The following CCDC110 variants were observed in gnomAD, a reference collection of about 807,000 sequenced individuals.
The protein encoded by CCDC110 is coiled-coil domain-containing protein 110.
CCDC110 carries 70 observed loss-of-function variants against 77.1 expected under a neutral mutation model. That is an observed-to-expected ratio of 0.91 (90% confidence interval 0.75 to 1.11). The LOEUF (loss-of-function observed/expected upper bound fraction) is 1.11, where lower values mean the gene tolerates loss of function less well. Ranked by LOEUF, CCDC110 falls within the 50% of genes least tolerant of loss-of-function variation. The pLI is 0.00. For missense variants in CCDC110, 868 were observed against 942.9 expected, an observed-to-expected ratio of 0.92 and a Z score of 1.04; for synonymous variants, 295 against 312.5, an observed-to-expected ratio of 0.94 and a Z score of 0.59.
intron 4 of CCDC110, among the ~76,000 whole-genome samples, chr4:185,462,075 G>A (rs781745364): frequency 3.3e-5 from 5 of 152,148 alleles, no homozygotes; most frequent in Non-Finnish European, 7.3e-5. Flanking sequence ...TCCAGCCTGG[G>A]TGACAAAAAT....
Position 185,459,418 on chromosome 4 carries a change from T to C in CCDC110, c.1169A>G (p.His390Arg). 4 of 1,612,382 alleles carry C rather than the reference T, an allele frequency of 2.5e-6. No individual in the cohort carries two copies. Among genetic ancestry groups the C allele is most frequent in the African/African-American group, 1.3e-5 (1 of 74,964 alleles). Residue 390 changes from histidine (H) to arginine (R), a missense_variant, in exon 6 of 7, where the codon CAT becomes CGT. By Grantham distance (29) the His-to-Arg change is conservative. Coordinates refer to ENST00000307588, the MANE Select transcript of CCDC110 (RefSeq NM_152775.4). Reference sequence around the variant, plus strand: ...TTGTCTTTCTTTGTCTTTCATTTCATGTTTTGTTTGGTCGAGGAAGGACAG... The same window carrying C: ...TTGTCTTTCTTTGTCTTTCATTTCACGTTTTGTTTGGTCGAGGAAGGACAG... ...YTLSFLDQTKHEMKDKERQPF... is the reference protein window; with the variant it reads ...YTLSFLDQTKREMKDKERQPF...
intron 2 of CCDC110, among the ~76,000 whole-genome samples, chr4:185,467,527 G>T (rs1008755169): frequency 6.6e-6 from 1 of 152,076 alleles, no homozygotes; most frequent in Non-Finnish European, 1.5e-5. Flanking sequence ...CGGAAGGCAT[G>T]GTCCCACCCA....
In CCDC110 at chr4:185,462,825, T is replaced by C. The variant is rs867319181; in HGVS notation, c.172-117A>G. The stretch of plus-strand genomic sequence containing the variant: ...ATTACTTGAAAAGATCCCGTGAGGG[T>C]CAGGTGGTTCACATTCTTAGGCATT... On this transcript the variant is annotated intron_variant, in intron 3 of 6. Coordinates refer to ENST00000307588, the MANE Select transcript of CCDC110 (RefSeq NM_152775.4). The C allele has an allele frequency of 1.3e-5, 13 of 1,036,546 alleles. No individual in the cohort carries two copies. The Middle Eastern group carries it at 8.1e-4, about 65-fold the overall frequency. The allele number at this position is 1,036,546 out of a possible 1,614,324, so 64.2% of individuals were successfully genotyped here. A position where few individuals can be genotyped will look rare whatever the true frequency, so the allele number is the denominator to read the frequency against.
chr4:185,466,556 T>C (rs1003624326), intron 2 of CCDC110, among the ~76,000 whole-genome samples: 15 of 141,780 alleles, frequency 1.1e-4, no homozygotes, highest in Admixed American at 9.8e-4. Context: ...GGAAGAGATG[T>C]GAAAGTCAAG....
intron 6 of CCDC110, among the ~76,000 whole-genome samples, chr4:185,446,821 A>G (rs1433622885): frequency 6.6e-6 from 1 of 152,138 alleles, no homozygotes; most frequent in African/African-American, 2.4e-5. Context: ...TTTCATGGGG[A>G]CTAATTAGCT....
intron 6 of CCDC110, among the ~76,000 whole-genome samples, chr4:185,451,105 C>CT (rs1195685442): frequency 1.1e-4 from 16 of 152,052 alleles, no homozygotes; most frequent in South Asian, 2.1e-4. Flanking sequence ...AAGGGGTTTC[C>CT]CTCTCGCTTG....
intron 6 of CCDC110, among the ~76,000 whole-genome samples, chr4:185,447,401 T>TTC (rs1561148018): frequency 6.6e-6 from 1 of 152,064 alleles, no homozygotes; most frequent in East Asian, 1.9e-4. Context: ...AGGATGGACT[T>TTC]GATCTCCTGA....
chr4:185,462,962 T>G, intron 3 of CCDC110, 32 bp downstream of exon 3: 2 of 1,567,406 alleles, frequency 1.3e-6, no homozygotes, highest in South Asian at 2.3e-5. Context: ...TACCCAGAAT[T>G]TTGGAGATGA....
chr4:185,467,682 C>T (rs992967399), intron 2 of CCDC110, among the ~76,000 whole-genome samples: 2 of 152,142 alleles, frequency 1.3e-5, no homozygotes, highest in African/African-American at 2.4e-5. Flanking sequence ...TTATTCTGAG[C>T]CTGCAAAAAA....
At chr4:185,464,945 A>G (rs943393424) in intron 2 of CCDC110, among the ~76,000 whole-genome samples, 3 of 152,238 alleles carry the variant, frequency 2.0e-5, no homozygotes, top group Admixed American at 6.5e-5. Flanking sequence ...TTTCAATAAC[A>G]TACAGTTCTA....
intron 6 of CCDC110, among the ~76,000 whole-genome samples, chr4:185,447,676 G>A (rs2095617981): frequency 6.6e-6 from 1 of 152,128 alleles, no homozygotes; most frequent in Admixed American, 6.6e-5. Flanking sequence ...AGGAGTATTA[G>A]AACCAGTGTC....
chr4:185,459,671 C>T lies in CCDC110; in HGVS notation c.916G>A (p.Asp306Asn). The T allele has an allele frequency of 6.2e-7, 1 of 1,611,486 alleles. No homozygotes were observed. Among genetic ancestry groups the T allele is most frequent in the Non-Finnish European group, 8.5e-7 (1 of 1,179,216 alleles). ...EENLDGNLNEDIKSKRISELE... is the reference protein window; with the variant it reads ...EENLDGNLNENIKSKRISELE... ...TCTGAAATTCTCTTTGATTTTATATCTTCATTTAAGTTACCGTCCAAGTTT... is the reference window on the plus strand; with the variant it reads ...TCTGAAATTCTCTTTGATTTTATATTTTCATTTAAGTTACCGTCCAAGTTT... The change falls in exon 6 of 7, where the codon GAT (aspartate) becomes AAT (asparagine). Residue 306 changes from aspartate to asparagine, a missense_variant. Transcript: ENST00000307588.
intron 2 of CCDC110, among the ~76,000 whole-genome samples, chr4:185,467,104 C>A (rs2095657678): frequency 6.6e-6 from 1 of 152,050 alleles, no homozygotes; most frequent in Non-Finnish European, 1.5e-5. Flanking sequence ...AGTGAAATAG[C>A]TTTTTTGCAG....
chr4:185,470,185 A>C (rs1422435618), intron 2 of CCDC110, among the ~76,000 whole-genome samples: 1 of 152,220 alleles, frequency 6.6e-6, no homozygotes, highest in African/African-American at 2.4e-5. Context: ...ATTTACTATA[A>C]AAAGTAGTTT....
At chr4:185,464,837 G>A (rs2095652639) in intron 2 of CCDC110, among the ~76,000 whole-genome samples, 1 of 151,978 alleles carries the variant, frequency 6.6e-6, no homozygotes, top group Admixed American at 6.6e-5. Context: ...CTAGTATTTG[G>A]ATTTTTTTTT....
At chr4:185,456,471 A>AT (rs2095636216) in intron 6 of CCDC110, among the ~76,000 whole-genome samples, 1 of 152,178 alleles carries the variant, frequency 6.6e-6, no homozygotes, top group Non-Finnish European at 1.5e-5. Context: ...TAATAAGCTG[A>AT]TTTTTTGAAA....
Position 185,468,099 on chromosome 4 carries a change from A to G in CCDC110, c.115+2846T>C, listed in dbSNP as rs947606772. Among the ~76,000 whole-genome samples, 1 of 152,160 alleles carries G rather than the reference A, an allele frequency of 6.6e-6. No homozygotes were observed. The highest frequency in any genetic ancestry group is 1.5e-5 in the Non-Finnish European group (1 of 68,030). ...TTCTAATACTGAGTTCTGCTGTGAC[A>G]ATTCAAGTTCATTCCTAGATGTCCC... On this transcript the variant is annotated intron_variant, in intron 2 of 6. Coordinates refer to ENST00000307588, the MANE Select transcript of CCDC110 (RefSeq NM_152775.4). The surrounding 1 kb of genome is among the most constrained non-coding windows in gnomAD (Gnocchi z 4.5).
chr4:185,465,005 C>A (rs565717462), intron 2 of CCDC110, among the ~76,000 whole-genome samples: 1 of 152,194 alleles, frequency 6.6e-6, no homozygotes, highest in African/African-American at 2.4e-5. Flanking sequence ...AGAAAATTAG[C>A]ATTCTATTTC....
At position 185,459,902 on chromosome 4, in the gene CCDC110, A is replaced by T; in HGVS notation, c.685T>A (p.Phe229Ile). The change falls in exon 6 of 7, where the codon TTT becomes ATT. Residue 229 changes from phenylalanine (F) to isoleucine (I), a missense_variant. Phe to Ile is a conservative substitution (Grantham distance 21). Transcript: ENST00000307588. The part of the protein sequence containing the change: ...ILDKSKITVP[F>I]LKHGFCENLD... The stretch of plus-strand genomic sequence containing the variant: ...TTTTCACAAAATCCATGCTTGAGAA[A>T]AGGCACAGTAATTTTGGATTTATCC... 6.2e-7 allele frequency: 1 copy of T among 1,613,902 alleles called. No homozygotes were observed. Among genetic ancestry groups the T allele is most frequent in the Non-Finnish European group, 8.5e-7 (1 of 1,179,916 alleles).
Sources: allele counts gnomAD v4.1 joint callset (sites outside exome capture counted in the v4.1 genomes callset), GRCh38; gene constraint gnomAD v4.1.1; non-coding constraint Gnocchi (gnomAD v3.1); transcripts MANE v1.5; gene names NCBI Gene and HGNC (gene_info 2026-07-23, HGNC 2026-07-21).